BTNL8: variants seen among roughly 807,000 people sequenced by gnomAD.
BTNL8 encodes the protein butyrophilin like 8, also known as butyrophilin-like protein 8.
BTNL8 carries 22 observed loss-of-function variants against 36.1 expected under a neutral mutation model. The ratio of observed to expected loss-of-function variants is 0.61; its 90% CI spans 0.44 to 0.87. The LOEUF is 0.87. Among genes scored for constraint, BTNL8 ranks in the 40% least tolerant of loss-of-function variants. BTNL8 has a pLI of 0.00. For missense variants in BTNL8, 526 were observed against 616.9 expected (o/e 0.85, Z 1.56); for synonymous variants, 203 against 235.6 (o/e 0.86, Z 1.27).
chr5:180,901,586 G>GTA (rs1756823309), intron 1 of BTNL8, among the ~76,000 whole-genome samples: 1 of 152,172 alleles, frequency 6.6e-6, no homozygotes, highest in Non-Finnish European at 1.5e-5. Context: ...GATCAAGTGG[G>GTA]TACTATGCTG....
At chr5:180,932,252 T>C (rs1361433871) in intron 3 of BTNL8, among the ~76,000 whole-genome samples, 2 of 152,146 alleles carry the variant, frequency 1.3e-5, no homozygotes, top group Non-Finnish European at 2.9e-5. Context: ...AAATACGTAA[T>C]GTAGATGATG....
At chr5:180,945,214 G>A (rs867280101) in intron 3 of BTNL8, among the ~76,000 whole-genome samples, 33 of 152,324 alleles carry the variant, frequency 2.2e-4, no homozygotes, top group Middle Eastern at 3.4e-3. Flanking sequence ...ACAGGATGAA[G>A]AAAGGACAGT....
Position 180,947,738 on chromosome 5 carries a change from GGGCCCA to G in BTNL8, c.787+120_787+125del, listed in dbSNP as rs777716686. ...CTCTTCTTCTAGTCCTAGCCTCCAGGGGCCCAGGCCCAAAAAAGTAATCATCCTTCT... is the reference window on the plus strand; with the variant it reads ...CTCTTCTTCTAGTCCTAGCCTCCAGGGGCCCAAAAAAGTAATCATCCTTCT... On this transcript the variant is annotated intron_variant, in intron 4 of 7. Coordinates refer to ENST00000340184, the MANE Select transcript of BTNL8 (RefSeq NM_001040462.3). 37 of 1,614,096 alleles carry G rather than the reference GGGCCCA, an allele frequency of 2.3e-5. No individual in the cohort carries two copies. In the South Asian group the frequency reaches 4.1e-4, roughly 18 times the overall value.
chr5:180,909,060 G>A (rs1757261556), intron 2 of BTNL8, 127 bp downstream of exon 2: 2 of 916,770 alleles, frequency 2.2e-6, no homozygotes, highest in East Asian at 2.4e-5. Context: ...TATACTCTAC[G>A]TTCCTTCTGT....
At chr5:180,948,287 G>C in intron 4 of BTNL8, 68 bp from the exon 5 acceptor site, 1 of 1,464,822 alleles carries the variant, frequency 6.8e-7, no homozygotes, top group Non-Finnish European at 9.4e-7. Flanking sequence ...CCTGTGCAAG[G>C]AGCCAGCGTC....
chr5:180,912,603 C>T (rs1390100571), intron 3 of BTNL8, among the ~76,000 whole-genome samples: 1 of 152,090 alleles, frequency 6.6e-6, no homozygotes, highest in East Asian at 1.9e-4. Flanking sequence ...ACTGTGTACA[C>T]CTGTAGTCCC....
At chr5:180,930,457 C>T (rs148767496) in intron 3 of BTNL8, among the ~76,000 whole-genome samples, 1,730 of 152,234 alleles carry the variant, frequency 0.011, 21 homozygotes, top group Non-Finnish European at 0.019. Flanking sequence ...AAGTTCTGGC[C>T]TGGGCAGTCA....
intron 3 of BTNL8, among the ~76,000 whole-genome samples, chr5:180,939,346 A>G (rs2077024668): frequency 6.6e-6 from 1 of 152,174 alleles, no homozygotes; most frequent in African/African-American, 2.4e-5. Flanking sequence ...AAAGACTGAA[A>G]TTGAGGGATG....
intron 3 of BTNL8, among the ~76,000 whole-genome samples, chr5:180,923,273 T>A (rs995872385): frequency 3.9e-5 from 6 of 152,132 alleles, no homozygotes; most frequent in African/African-American, 1.4e-4. Context: ...AAATGTTTTT[T>A]AAAAAACCTA....
intron 3 of BTNL8, among the ~76,000 whole-genome samples, chr5:180,932,496 G>A (rs1314973456): frequency 2.0e-5 from 3 of 152,064 alleles, no homozygotes; most frequent in Admixed American, 6.6e-5. Context: ...ACAGGTGCCC[G>A]CCACCATGCC....
intron 3 of BTNL8, among the ~76,000 whole-genome samples, chr5:180,936,606 A>G (rs1758662983): frequency 6.6e-6 from 1 of 152,230 alleles, no homozygotes; most frequent in South Asian, 2.1e-4. Context: ...ATGGAAAACT[A>G]TCCTGTGTTC....
At chr5:180,923,724 A>C (rs1757972661) in intron 3 of BTNL8, among the ~76,000 whole-genome samples, 1 of 152,216 alleles carries the variant, frequency 6.6e-6, no homozygotes, top group Non-Finnish European at 1.5e-5. Context: ...TATTTCCAAC[A>C]GGTTATATGA....
chr5:180,907,992 C>A (rs1377477859), intron 1 of BTNL8, among the ~76,000 whole-genome samples: 1 of 152,166 alleles, frequency 6.6e-6, no homozygotes, highest in African/African-American at 2.4e-5. Context: ...GCCCTGCCCC[C>A]AGAGGTGGAG....
chr5:180,914,459 A>G (rs1425000485), intron 3 of BTNL8, among the ~76,000 whole-genome samples: 2 of 152,246 alleles, frequency 1.3e-5, no homozygotes, highest in Non-Finnish European at 2.9e-5. Flanking sequence ...ACAAATGGAC[A>G]AAGACTGGTA....
At chr5:180,936,318 T>C (rs1483152832) in intron 3 of BTNL8, among the ~76,000 whole-genome samples, 1 of 152,080 alleles carries the variant, frequency 6.6e-6, no homozygotes, top group Non-Finnish European at 1.5e-5. Context: ...TATTTAGTAA[T>C]AACATCATCT....
chr5:180,932,516 T>G (rs922199853), intron 3 of BTNL8, among the ~76,000 whole-genome samples: 5 of 152,020 alleles, frequency 3.3e-5, no homozygotes, highest in Non-Finnish European at 7.4e-5. Context: ...CTGGCTAATT[T>G]TTTTTTGTAT....
chr5:180,937,753 G>T (rs1246595174), intron 3 of BTNL8, among the ~76,000 whole-genome samples: 4 of 151,944 alleles, frequency 2.6e-5, no homozygotes, highest in African/African-American at 9.7e-5. Context: ...ACCTCCAAAG[G>T]AACACAGTAA....
rs148752959 is a variant in BTNL8 at position 180,938,471 on chromosome 5, C to T, written c.674-9041C>T. 2.9e-3 allele frequency among the ~76,000 whole-genome samples: 435 copies of T among 151,926 alleles called. 3 individuals carry two copies. The highest frequency in any genetic ancestry group is 9.7e-3 in the African/African-American group (402 of 41,462). The stretch of plus-strand genomic sequence containing the variant: ...TGAGCAAGATAAAAGTGTCATGCTA[C>T]GTACAAGAGAATTCCCATCAGACTA... On this transcript the variant is annotated intron_variant, in intron 3 of 7. Coordinates refer to ENST00000340184, the MANE Select transcript of BTNL8 (RefSeq NM_001040462.3).
chr5:180,901,197 T>A (rs1756810288), intron 1 of BTNL8, among the ~76,000 whole-genome samples: 1 of 152,222 alleles, frequency 6.6e-6, no homozygotes, highest in Admixed American at 6.5e-5. Context: ...ATTTATAAAA[T>A]GTAATTAAAC....
Sources: allele counts gnomAD v4.1 joint callset (sites outside exome capture counted in the v4.1 genomes callset), GRCh38; gene constraint gnomAD v4.1.1; transcripts MANE v1.5; gene names NCBI Gene and HGNC (gene_info 2026-07-23, HGNC 2026-07-21).